The following SCGN variants were observed in gnomAD, a reference collection of about 807,000 sequenced individuals.
The protein encoded by SCGN is secretagogin, EF-hand calcium binding protein.
SCGN carries 30 observed loss-of-function variants against 39.7 expected under a neutral mutation model. The ratio of observed to expected loss-of-function variants is 0.76; its 90% CI spans 0.57 to 1.03. The LOEUF (loss-of-function observed/expected upper bound fraction) is 1.03, where lower values mean the gene tolerates loss of function less well. SCGN is among the 50% of genes least tolerant of loss of function. The pLI is 0.00. For synonymous variants in SCGN, 106 were observed against 114.1 expected (o/e 0.93, Z 0.45); for missense variants, 353 against 349.4 (o/e 1.01, Z -0.08).
At chr6:25,667,599 T>C (rs965806469) in intron 4 of SCGN, among the ~76,000 whole-genome samples, 6 of 152,252 alleles carry the variant, frequency 3.9e-5, no homozygotes, top group African/African-American at 1.4e-4. Flanking sequence ...AATTTGCCCA[T>C]GTGTCACCAC....
At chr6:25,653,753 T>C (rs936466270) in intron 2 of SCGN, among the ~76,000 whole-genome samples, 2 of 152,204 alleles carry the variant, frequency 1.3e-5, no homozygotes, top group African/African-American at 2.4e-5. Context: ...TCTCTGCTAA[T>C]TGATTTATAC....
At chr6:25,670,529 T>G (rs1226249097) in intron 6 of SCGN, among the ~76,000 whole-genome samples, 1 of 152,228 alleles carries the variant, frequency 6.6e-6, no homozygotes, top group African/African-American at 2.4e-5. Context: ...CCTCTGCCAC[T>G]TACTAGCTAT....
At chr6:25,672,669 A>G (rs9461192) in intron 6 of SCGN, among the ~76,000 whole-genome samples, 24,621 of 152,110 alleles carry the variant, frequency 0.16, 2,555 homozygotes, top group African/African-American at 0.3. Context: ...GGCCATCGTG[A>G]GGACTTGGGG....
intron 10 of SCGN, among the ~76,000 whole-genome samples, chr6:25,698,540 C>T (rs191613908): frequency 3.0e-4 from 46 of 152,352 alleles, no homozygotes; most frequent in Middle Eastern, 3.4e-3. Context: ...ACTGAAGATG[C>T]TGAAAAGCAA....
chr6:25,654,220 C>G (rs1157509248), intron 2 of SCGN, among the ~76,000 whole-genome samples: 1 of 152,146 alleles, frequency 6.6e-6, no homozygotes, highest in East Asian at 1.9e-4. Context: ...CCTTATCATT[C>G]AGCTGTTTAT....
intron 4 of SCGN, among the ~76,000 whole-genome samples, chr6:25,667,626 A>G (rs1386770884): frequency 6.6e-6 from 1 of 151,724 alleles, no homozygotes; most frequent in Non-Finnish European, 1.5e-5. Flanking sequence ...TATTGCTACC[A>G]TTGTCTTTGT....
chr6:25,658,771 A>T (rs181879740), intron 2 of SCGN, among the ~76,000 whole-genome samples: 28 of 150,878 alleles, frequency 1.9e-4, no homozygotes, highest in Non-Finnish European at 3.7e-4. Context: ...CATGCATTTC[A>T]TCTATTTATC....
intron 10 of SCGN, among the ~76,000 whole-genome samples, chr6:25,697,716 A>C (rs1759855746): frequency 6.6e-6 from 1 of 152,254 alleles, no homozygotes; most frequent in Non-Finnish European, 1.5e-5. Context: ...CCTATTGCCA[A>C]GATTAAAGGG....
At position 25,682,725 on chromosome 6, in the gene SCGN, T is replaced by C. The variant is rs371773075; in HGVS notation, c.527+719T>C. On this transcript the variant is annotated intron_variant, in intron 7 of 10. Transcript: ENST00000377961. ...GCTGCTTCAGGGCAGGGCTCAATGG[T>C]AATTGTAAGCAGGGCAGCAGTTACA... is the stretch of plus-strand genomic sequence containing the variant. Among the ~76,000 whole-genome samples, 3 of 152,172 alleles carry C rather than the reference T, an allele frequency of 2.0e-5. No homozygotes were observed. The East Asian group carries it at 5.8e-4, about 29-fold the overall frequency.
At chr6:25,663,107 G>A (rs927923577) in intron 3 of SCGN, among the ~76,000 whole-genome samples, 3 of 152,232 alleles carry the variant, frequency 2.0e-5, no homozygotes, top group Non-Finnish European at 4.4e-5. Flanking sequence ...GTGCAAGACT[G>A]CATCGTTCCC....
At chr6:25,689,308 C>T (rs1759746850) in intron 8 of SCGN, 91 bp downstream of exon 8, 1 of 1,177,206 alleles carries the variant, frequency 8.5e-7, no homozygotes, top group Non-Finnish European at 1.2e-6. Flanking sequence ...CATCTATTTG[C>T]CCTACTTTTT....
chr6:25,701,127 T>G, intron 10 of SCGN, 80 bp from the exon 11 acceptor site: 1 of 1,505,290 alleles, frequency 6.6e-7, no homozygotes, highest in Non-Finnish European at 9.0e-7. Context: ...CACCCTAAGC[T>G]TAGGGAGCAT....
intron 10 of SCGN, among the ~76,000 whole-genome samples, chr6:25,700,790 G>C (rs1759901874): frequency 6.6e-6 from 1 of 152,056 alleles, no homozygotes; most frequent in Admixed American, 6.6e-5. Context: ...TTTACATTCA[G>C]TATAACCATT....
chr6:25,679,634 C>G (rs148770567), intron 6 of SCGN, among the ~76,000 whole-genome samples: 6 of 152,170 alleles, frequency 3.9e-5, no homozygotes, highest in African/African-American at 1.4e-4. Context: ...GGTTTATAGT[C>G]AAGGGTAGGG....
chr6:25,658,266 C>T (rs759955204), intron 2 of SCGN, among the ~76,000 whole-genome samples: 42 of 151,602 alleles, frequency 2.8e-4, no homozygotes, highest in African/African-American at 9.5e-4. Context: ...GTCTCAATCT[C>T]CTGCCCTCGT....
intron 4 of SCGN, among the ~76,000 whole-genome samples, chr6:25,668,742 ACT>A (rs1759435102): frequency 6.6e-6 from 1 of 151,146 alleles, no homozygotes; most frequent in African/African-American, 2.5e-5. Context: ...CTACATTACC[ACT>A]CTGAGTTTAT....
chr6:25,680,174 A>G (rs1457106266), intron 6 of SCGN, among the ~76,000 whole-genome samples: 1 of 152,212 alleles, frequency 6.6e-6, no homozygotes, highest in Non-Finnish European at 1.5e-5. Context: ...TCTCAAACAA[A>G]TATGCCAAGC....
At chr6:25,694,987 G>T (rs1759820751) in intron 10 of SCGN, among the ~76,000 whole-genome samples, 1 of 152,238 alleles carries the variant, frequency 6.6e-6, no homozygotes, top group Non-Finnish European at 1.5e-5. Flanking sequence ...AGCTGGCCCA[G>T]TTACAAAGTC....
chr6:25,681,941 T>C lies in SCGN; in HGVS notation c.472-10T>C, dbSNP rs370146315. 2 of 1,610,972 alleles carry C rather than the reference T, an allele frequency of 1.2e-6. No individual in the cohort carries two copies. The highest frequency in any genetic ancestry group is 2.7e-5 in the African/African-American group (2 of 74,904). ...TTACAAGTACAACCATTTTCCCTTC[T>C]GCATTTCAGATGAAGATTTTTGACA... On this transcript the variant is annotated splice_polypyrimidine_tract_variant and intron_variant, in intron 6 of 10. Transcript: ENST00000377961.
Sources: allele counts gnomAD v4.1 joint callset (sites outside exome capture counted in the v4.1 genomes callset), GRCh38; gene constraint gnomAD v4.1.1; transcripts MANE v1.5; gene names NCBI Gene and HGNC (gene_info 2026-07-23, HGNC 2026-07-21).